Variants in GRIK1 observed in about 807,000 individuals in gnomAD.
The protein encoded by GRIK1 is glutamate receptor ionotropic, kainate 1.
In GRIK1, 69 loss-of-function variants were observed where a neutral mutation model predicts 105.7. That is an observed-to-expected ratio of 0.65 (90% CI 0.54 to 0.80). GRIK1 has a LOEUF of 0.80. Ranked by LOEUF, GRIK1 falls within the 30% of genes least tolerant of loss-of-function variation. The pLI is 0.00. For synonymous variants in GRIK1, 438 were observed against 431.3 expected (o/e 1.02, Z -0.19); for missense variants, 1,109 against 1,167.3 (o/e 0.95, Z 0.73).
chr21:29,874,927 G>A (rs2069138405), intron 1 of GRIK1, among the ~76,000 whole-genome samples: 1 of 151,064 alleles, frequency 6.6e-6, no homozygotes, highest in African/African-American at 2.4e-5. Flanking sequence ...TTTCCAAAAT[G>A]ACTATTTATT....
At chr21:29,696,117 T>G (rs1046914981) in intron 1 of GRIK1, among the ~76,000 whole-genome samples, 4 of 152,174 alleles carry the variant, frequency 2.6e-5, no homozygotes, top group Non-Finnish European at 4.4e-5. Flanking sequence ...AACTACAGTG[T>G]TGGGTTGTGA....
chr21:29,906,658 A>G (rs893727701), intron 1 of GRIK1, among the ~76,000 whole-genome samples: 5 of 152,156 alleles, frequency 3.3e-5, no homozygotes. Context: ...GAAGAAAAGG[A>G]TAATTCAGGA....
chr21:29,660,730 C>T lies in GRIK1; in HGVS notation c.727-5867G>A, dbSNP rs114819200. Among the ~76,000 whole-genome samples, 955 of 152,180 alleles carry T rather than the reference C, an allele frequency of 6.3e-3. 7 individuals carry two copies. The highest frequency in any genetic ancestry group is 0.012 in the African/African-American group (500 of 41,524). On this transcript the variant is annotated intron_variant, in intron 4 of 17. Coordinates refer to ENST00000327783, the MANE Select transcript of GRIK1 (RefSeq NM_001330994.2). ...TCTTGGAAGTTTATACTGACTAAGC[C>T]GAAGTGTATTTCTCTTTTTATAGCC...
intron 6 of GRIK1, among the ~76,000 whole-genome samples, chr21:29,648,011 T>TG (rs1465166019): frequency 6.6e-6 from 1 of 152,250 alleles, no homozygotes; most frequent in African/African-American, 2.4e-5. Flanking sequence ...TAGGCATGAC[T>TG]GATTTCTCTA....
rs1354346827 is a variant in GRIK1 at position 29,591,229 on chromosome 21, C to T, written c.1252-4G>A. On this transcript the variant is annotated splice_region_variant and splice_polypyrimidine_tract_variant and intron_variant, in intron 9 of 17. Transcript: ENST00000327783. ...TGTTGGAATTCCAAATCCCAATCTA[C>T]ACAGAACACAGTACATCAGAGGCTG... 5 of 1,501,282 alleles carry T rather than the reference C, an allele frequency of 3.3e-6. No homozygotes were observed. The highest frequency in any genetic ancestry group is 4.6e-6 in the Non-Finnish European group (5 of 1,077,214). The allele number at this position is 1,501,282 out of a possible 1,614,324, so 93.0% of individuals were successfully genotyped here.
intron 1 of GRIK1, among the ~76,000 whole-genome samples, chr21:29,729,720 G>A (rs1217393319): frequency 6.6e-6 from 1 of 152,144 alleles, no homozygotes; most frequent in Non-Finnish European, 1.5e-5. Context: ...TTCACCACTT[G>A]AAGGTATTTT....
chr21:29,744,489 A>G (rs2065003300), intron 1 of GRIK1, among the ~76,000 whole-genome samples: 1 of 151,774 alleles, frequency 6.6e-6, no homozygotes, highest in Non-Finnish European at 1.5e-5. Flanking sequence ...CAAAGCAGAC[A>G]TTCTGAGGAG....
chr21:29,546,887 C>A (rs1390718238), intron 16 of GRIK1, among the ~76,000 whole-genome samples: 1 of 152,194 alleles, frequency 6.6e-6, no homozygotes, highest in Non-Finnish European at 1.5e-5. Flanking sequence ...AACTCCCATA[C>A]TTGATGGTAG....
At chr21:29,814,825 T>C (rs1360730142) in intron 1 of GRIK1, among the ~76,000 whole-genome samples, 1 of 152,068 alleles carries the variant, frequency 6.6e-6, no homozygotes, top group African/African-American at 2.4e-5. Context: ...AGTTTTCAAA[T>C]TTTTTTATAA....
chr21:29,724,044 G>A (rs2064389955), intron 1 of GRIK1, among the ~76,000 whole-genome samples: 1 of 152,166 alleles, frequency 6.6e-6, no homozygotes, highest in African/African-American at 2.4e-5. Flanking sequence ...GAAATGTTGT[G>A]CCCTCTTTTG....
chr21:29,649,313 A>G (rs1568931806), intron 6 of GRIK1, among the ~76,000 whole-genome samples: 1 of 152,208 alleles, frequency 6.6e-6, no homozygotes. Flanking sequence ...GATATATTCA[A>G]TAGTTACTCT....
chr21:29,596,953 T>TACAC (rs538669334), intron 8 of GRIK1, among the ~76,000 whole-genome samples: 4 of 150,710 alleles, frequency 2.7e-5, no homozygotes, highest in Non-Finnish European at 4.4e-5. Flanking sequence ...AATCAATCAA[T>TACAC]ACACACACAC....
intron 2 of GRIK1, among the ~76,000 whole-genome samples, chr21:29,691,332 C>A (rs2146721017): frequency 6.6e-6 from 1 of 152,196 alleles, no homozygotes; most frequent in Admixed American, 6.5e-5. Context: ...AAACAAACAT[C>A]CCCCAAAACA....
intron 1 of GRIK1, among the ~76,000 whole-genome samples, chr21:29,815,169 T>A (rs563204401): frequency 6.6e-6 from 1 of 152,278 alleles, no homozygotes; most frequent in African/African-American, 2.4e-5. Context: ...TTACATACTA[T>A]TGTAAAAAGA....
At chr21:29,819,778 G>A (rs1235900384) in intron 1 of GRIK1, among the ~76,000 whole-genome samples, 2 of 152,016 alleles carry the variant, frequency 1.3e-5, no homozygotes, top group African/African-American at 2.4e-5. Context: ...TCAGATTTTA[G>A]AATAGAGCAA....
intron 5 of GRIK1, among the ~76,000 whole-genome samples, chr21:29,654,539 T>C (rs995927049): frequency 4.0e-4 from 61 of 152,200 alleles, no homozygotes; most frequent in Non-Finnish European, 1.8e-4. Context: ...ATAGTTTCTA[T>C]TTAATGGAAT....
intron 4 of GRIK1, among the ~76,000 whole-genome samples, chr21:29,658,703 T>G (rs1272152781): frequency 6.6e-6 from 1 of 152,208 alleles, no homozygotes; most frequent in Non-Finnish European, 1.5e-5. Context: ...TATCTATTGA[T>G]TTTGGAAGAT....
chr21:29,779,522 C>A (rs1179304785), intron 1 of GRIK1, among the ~76,000 whole-genome samples: 5 of 151,202 alleles, frequency 3.3e-5, no homozygotes, highest in African/African-American at 7.3e-5. Flanking sequence ...TGTGTGTGAT[C>A]CCAACTAAAG....
intron 1 of GRIK1, among the ~76,000 whole-genome samples, chr21:29,732,373 C>A (rs1280540588): frequency 6.6e-6 from 1 of 152,154 alleles, no homozygotes; most frequent in East Asian, 1.9e-4. Flanking sequence ...TTGCTGCAGT[C>A]ACTGTTTTTC....
Sources: gnomAD v4.1 joint callset for allele counts (sites outside exome capture counted in the v4.1 genomes callset) on GRCh38, gnomAD v4.1.1 for gene constraint, MANE v1.5 for transcripts, NCBI Gene and HGNC (gene_info 2026-07-23, HGNC 2026-07-21) for gene names.